PDZD2: variants seen among roughly 807,000 people sequenced by gnomAD.
PDZD2 encodes PDZ domain containing 2.
Under a neutral mutation model 220.7 loss-of-function variants are expected in PDZD2, and 90 were observed. The ratio of observed to expected loss-of-function variants is 0.41; its 90% CI spans 0.34 to 0.49. PDZD2 has a LOEUF of 0.49. Among genes scored for constraint, PDZD2 ranks in the 20% least tolerant of loss-of-function variants. The pLI, the probability that PDZD2 is intolerant of heterozygous loss-of-function variation, is 0.28. For missense variants in PDZD2, 3,174 were observed against 3,608.5 expected (o/e 0.88, Z 3.08); for synonymous variants, 1,375 against 1,450.5 (o/e 0.95, Z 1.18).
intron 2 of PDZD2, among the ~76,000 whole-genome samples, chr5:31,803,057 G>C (rs1228231593): frequency 6.6e-6 from 1 of 151,590 alleles, no homozygotes; most frequent in Non-Finnish European, 1.5e-5. Context: ...AGGCAGAGAA[G>C]AGAGAGGAGA....
intron 1 of PDZD2, among the ~76,000 whole-genome samples, chr5:31,683,361 G>A (rs1049216531): frequency 6.6e-6 from 1 of 152,042 alleles, no homozygotes; most frequent in Non-Finnish European, 1.5e-5. Context: ...ATATTTGTAA[G>A]GGTGCTTTAA....
chr5:31,940,825 C>G (rs1746148019), intron 2 of PDZD2, among the ~76,000 whole-genome samples: 1 of 152,210 alleles, frequency 6.6e-6, no homozygotes, highest in Non-Finnish European at 1.5e-5. Flanking sequence ...AGGGGCAGAA[C>G]ATCAGTGCAG....
chr5:32,000,144 G>A lies in PDZD2; in HGVS notation c.1127G>A (p.Gly376Asp). 6.2e-7 allele frequency: 1 copy of A among 1,613,906 alleles called. No individual in the cohort carries two copies. Among genetic ancestry groups the A allele is most frequent in the Non-Finnish European group, 8.5e-7 (1 of 1,179,848 alleles). Residue 376 changes from glycine to aspartate, a missense_variant, in exon 5 of 25, where the codon GGC becomes GAC. Gly to Asp is a moderately conservative substitution (Grantham distance 94, BLOSUM62 -1). Coordinates refer to ENST00000438447, the MANE Select transcript of PDZD2 (RefSeq NM_178140.4). This position sits in a 1 kb window ranked among gnomAD's most constrained non-coding sequence, Gnocchi z 4.5. ...VKEGGAAHRD[G>D]RLSLGDELLV... ...TCCCATCTCCCTTTCCTCAGGGATG[G>A]CAGGCTGTCCTTAGGAGATGAGCTG...
chr5:32,005,729 C>T (rs1752748652), intron 5 of PDZD2, among the ~76,000 whole-genome samples: 1 of 152,272 alleles, frequency 6.6e-6, no homozygotes, highest in Non-Finnish European at 1.5e-5. Flanking sequence ...GGACTTAAAT[C>T]GAGCACAGCC....
chr5:31,963,379 T>C lies in PDZD2; in HGVS notation c.477-19776T>C, dbSNP rs187149663. Among the ~76,000 whole-genome samples, 7 of 152,326 alleles carry C rather than the reference T, an allele frequency of 4.6e-5. No homozygotes were observed. In the East Asian group the frequency reaches 1.4e-3, roughly 29 times the overall value. On this transcript the variant is annotated intron_variant, in intron 2 of 24. Coordinates refer to ENST00000438447, the MANE Select transcript of PDZD2 (RefSeq NM_178140.4). The stretch of plus-strand genomic sequence containing the variant: ...AAGGAAGGGCTTTTGCCCAAATATT[T>C]GTGACAAATGGAGGGAAGATAAGAA...
chr5:31,851,209 G>T (rs1383567884), intron 2 of PDZD2, among the ~76,000 whole-genome samples: 1 of 152,090 alleles, frequency 6.6e-6, no homozygotes, highest in East Asian at 1.9e-4. Flanking sequence ...AGAGGCATCA[G>T]ATTGGACATA....
intron 1 of PDZD2, among the ~76,000 whole-genome samples, chr5:31,680,108 G>A (rs1746595486): frequency 6.6e-6 from 1 of 152,180 alleles, no homozygotes; most frequent in Non-Finnish European, 1.5e-5. Flanking sequence ...GAGAAGTCTT[G>A]TCAAGTCCTC....
At chr5:32,010,265 GC>G (rs1333833677) in intron 5 of PDZD2, 64 bp from the exon 6 acceptor site, 2 of 1,155,256 alleles carry the variant, frequency 1.7e-6, no homozygotes, top group Non-Finnish European at 2.5e-6. Flanking sequence ...GTGCCAGGTT[GC>G]CTTCAAGAAC....
At chr5:32,068,105 T>C (rs1740379149) in intron 14 of PDZD2, among the ~76,000 whole-genome samples, 1 of 151,812 alleles carries the variant, frequency 6.6e-6, no homozygotes, top group Admixed American at 6.6e-5. Context: ...TGCCTCTGAA[T>C]GCACTGAGAA....
intron 2 of PDZD2, among the ~76,000 whole-genome samples, chr5:31,858,094 A>G (rs746458469): frequency 7.3e-5 from 11 of 150,910 alleles, no homozygotes; most frequent in Non-Finnish European, 1.5e-4. Flanking sequence ...CCACAGTGCT[A>G]GGATTACAGG....
chr5:31,663,940 TAAG>T (rs1437595993), intron 1 of PDZD2, among the ~76,000 whole-genome samples: 1 of 152,146 alleles, frequency 6.6e-6, no homozygotes, highest in African/African-American at 2.4e-5. Context: ...TATGGCAAAG[TAAG>T]AAGATTACTG....
rs924458361 is a variant in PDZD2, at chr5:32,000,415, C to T, written c.1254+144C>T. Reference sequence around the variant, plus strand: ...GGCTATTGAAACAGCCTTGCTTCCACAGGGCAACGCTATATGGAGACCCTT... The same window carrying T: ...GGCTATTGAAACAGCCTTGCTTCCATAGGGCAACGCTATATGGAGACCCTT... On this transcript the variant is annotated intron_variant, in intron 5 of 24. Coordinates refer to ENST00000438447, the MANE Select transcript of PDZD2 (RefSeq NM_178140.4). This position sits in a 1 kb window ranked among gnomAD's most constrained non-coding sequence, Gnocchi z 4.5. 13 of 806,502 alleles carry T rather than the reference C, an allele frequency of 1.6e-5. No individual in the cohort carries two copies. In the African/African-American group the frequency reaches 1.9e-4, roughly 12 times the overall value. The allele number at this position is 806,502 out of a possible 1,614,324, so 50.0% of individuals were successfully genotyped here.
At chr5:31,877,374 C>T (rs1374785900) in intron 2 of PDZD2, among the ~76,000 whole-genome samples, 3 of 152,012 alleles carry the variant, frequency 2.0e-5, no homozygotes, top group Non-Finnish European at 2.9e-5. Context: ...TACCACCACG[C>T]TGAGCTAATA....
In PDZD2 at chr5:32,061,037, A is replaced by G. The variant is rs749268482; in HGVS notation, c.2354A>G (p.Asn785Ser). The G allele has an allele frequency of 6.2e-6, 10 of 1,614,044 alleles. No homozygotes were observed. Among genetic ancestry groups the G allele is most frequent in the Non-Finnish European group, 7.6e-6 (9 of 1,180,008 alleles). ...GDQILEVNSV[N>S]VRHAALSKVH... ...CAAATCCTGGAAGTGAACTCCGTCAACGTCCGCCATGCTGCTTTAAGCAAA... is the reference window on the plus strand; with the variant it reads ...CAAATCCTGGAAGTGAACTCCGTCAGCGTCCGCCATGCTGCTTTAAGCAAA... Residue 785 changes from asparagine to serine, a missense_variant, in exon 14 of 25, where the codon AAC becomes AGC. By Grantham distance (46) the Asn-to-Ser change is conservative. Coordinates refer to ENST00000438447, the MANE Select transcript of PDZD2 (RefSeq NM_178140.4).
chr5:31,831,386 C>T (rs888099944), intron 2 of PDZD2, among the ~76,000 whole-genome samples: 4 of 151,580 alleles, frequency 2.6e-5, no homozygotes, highest in Non-Finnish European at 4.4e-5. Flanking sequence ...GAGGCCGAGG[C>T]GGGTGGATCA....
intron 5 of PDZD2, among the ~76,000 whole-genome samples, chr5:32,002,991 CACA>C (rs1752382409): frequency 1.4e-5 from 2 of 138,406 alleles, no homozygotes; most frequent in African/African-American, 2.7e-5. Flanking sequence ...ACACACACCC[CACA>C]CACCAACACA....
intron 14 of PDZD2, among the ~76,000 whole-genome samples, chr5:32,068,323 C>G (rs1169485347): frequency 6.6e-6 from 1 of 152,108 alleles, no homozygotes; most frequent in Non-Finnish European, 1.5e-5. Flanking sequence ...TCCTGGATTG[C>G]CAAAAACAAT....
intron 6 of PDZD2, among the ~76,000 whole-genome samples, chr5:32,034,354 ATTTT>A (rs753294040): frequency 6.8e-5 from 9 of 131,614 alleles, no homozygotes; most frequent in African/African-American, 5.7e-5. Flanking sequence ...GGAACCAGGA[ATTTT>A]TTTTTTTTTT....
chr5:31,871,444 G>A (rs181072108), intron 2 of PDZD2, among the ~76,000 whole-genome samples: 4 of 152,096 alleles, frequency 2.6e-5, no homozygotes, highest in Admixed American at 1.3e-4. Context: ...CTTCATTCTC[G>A]TTTCTTGCTT....
Sources: gnomAD v4.1 joint callset for allele counts (sites outside exome capture counted in the v4.1 genomes callset) on GRCh38, gnomAD v4.1.1 for gene constraint, Gnocchi (gnomAD v3.1) non-coding constraint, MANE v1.5 for transcripts, NCBI Gene and HGNC (gene_info 2026-07-23, HGNC 2026-07-21) for gene names.